Variants in PRKG1 observed in about 807,000 individuals in gnomAD.
PRKG1 encodes the protein cGMP-dependent protein kinase 1.
A neutral mutation model predicts 88.1 loss-of-function variants in PRKG1; 35 were observed. The ratio of observed to expected loss-of-function variants is 0.40; its 90% CI spans 0.30 to 0.53. PRKG1 has a LOEUF of 0.53. Ranked by LOEUF, PRKG1 falls within the 20% of genes least tolerant of loss-of-function variation. The pLI is 0.59. For missense variants in PRKG1, 540 were observed against 839.8 expected (o/e 0.64, Z 4.41); for synonymous variants, 303 against 292.5 (o/e 1.04, Z -0.37).
At chr10:51,969,918 C>G (rs1843662150) in intron 5 of PRKG1, among the ~76,000 whole-genome samples, 1 of 151,296 alleles carries the variant, frequency 6.6e-6, no homozygotes, top group Non-Finnish European at 1.5e-5. Flanking sequence ...ATAGTTAAAA[C>G]AGTATAAAGA....
chr10:52,125,704 A>C (rs1847915237), intron 7 of PRKG1: 1 of 152,198 alleles, frequency 6.6e-6, no homozygotes, highest in Admixed American at 6.5e-5. Flanking sequence ...ACTAACACAA[A>C]TGTATTTTTC....
In PRKG1 at chr10:51,066,956, A is replaced by G. The variant is rs997883147; in HGVS notation, c.266+75312A>G. ...TCTTTGACACTCCTCTTAGAACAAC[A>G]TATTTGCCTGCTTAAGATCCATGAT... On this transcript the variant is annotated intron_variant, in intron 1 of 17. Transcript: ENST00000401604. Among the ~76,000 whole-genome samples, 5 of 152,006 alleles carry G rather than the reference A, an allele frequency of 3.3e-5. No homozygotes were observed. In the East Asian group the frequency reaches 5.8e-4, roughly 18 times the overall value.
chr10:51,924,989 C>A, intron 5 of PRKG1, among the ~76,000 whole-genome samples: 1 of 148,358 alleles, frequency 6.7e-6, no homozygotes. Flanking sequence ...ATATATTATT[C>A]ATAGTTAGTT....
At chr10:52,270,012 A>G (rs1464829506) in intron 10 of PRKG1, among the ~76,000 whole-genome samples, 1 of 151,744 alleles carries the variant, frequency 6.6e-6, no homozygotes, top group Admixed American at 6.6e-5. Flanking sequence ...TAAAGCCATC[A>G]TGCTTGTTTG....
rs145899019 is a variant in PRKG1 at position 52,198,274 on chromosome 10, T to C, written c.1076+36311T>C. ...TACTTGACTTAATTGGCATGCAGTT[T>C]GATAAATATTTGTTCTGTGGAAAGA... On this transcript the variant is annotated intron_variant, in intron 9 of 17. Transcript: ENST00000373980. Among the ~76,000 whole-genome samples, 869 of 152,320 alleles carry C rather than the reference T, an allele frequency of 5.7e-3. 14 individuals are homozygous for C. The highest frequency in any genetic ancestry group is 0.02 in the African/African-American group (823 of 41,572).
Position 52,054,592 on chromosome 10 carries a change from A to C in PRKG1, c.840+31A>C, listed in dbSNP as rs374704502. ...CTTTGGTGGCACAAGACAGTGATGC[A>C]CTAGGGGAGCCTGGGGTTGGTTAGT... On this transcript the variant is annotated intron_variant, in intron 6 of 17. Coordinates refer to ENST00000373980, the MANE Select transcript of PRKG1 (RefSeq NM_006258.4). 36 of 1,594,694 alleles carry C rather than the reference A, an allele frequency of 2.3e-5. No individual in the cohort carries two copies. In the South Asian group the frequency reaches 2.3e-4, roughly 10 times the overall value.
intron 2 of PRKG1, among the ~76,000 whole-genome samples, chr10:51,250,697 T>C (rs1202609990): frequency 2.0e-5 from 3 of 151,820 alleles, no homozygotes; most frequent in African/African-American, 7.2e-5. Flanking sequence ...ACTCCATCTA[T>C]GACAAAATGG....
chr10:51,586,836 C>T (rs940970225), intron 3 of PRKG1, among the ~76,000 whole-genome samples: 6 of 152,024 alleles, frequency 3.9e-5, no homozygotes, highest in Non-Finnish European at 8.8e-5. Context: ...AGGAAGTTAA[C>T]GTATTTAAAT....
chr10:51,279,476 GT>G (rs1322872415), intron 2 of PRKG1, among the ~76,000 whole-genome samples: 4 of 152,158 alleles, frequency 2.6e-5, no homozygotes, highest in Non-Finnish European at 5.9e-5. Flanking sequence ...TGACAGTGGG[GT>G]GTTAAAGTCT....
intron 3 of PRKG1, among the ~76,000 whole-genome samples, chr10:51,585,181 C>T (rs12243750): frequency 0.069 from 10,506 of 152,114 alleles, 1,195 homozygotes; most frequent in African/African-American, 0.24. Context: ...TGAATCTTCT[C>T]TTTCTGTGAC....
intron 3 of PRKG1, among the ~76,000 whole-genome samples, chr10:51,539,226 T>G (rs1842239381): frequency 6.6e-6 from 1 of 152,158 alleles, no homozygotes; most frequent in Non-Finnish European, 1.5e-5. Context: ...TGTTAGGATT[T>G]AATTTCATTT....
chr10:51,348,061 T>G (rs1480498164), intron 2 of PRKG1, among the ~76,000 whole-genome samples: 1 of 151,696 alleles, frequency 6.6e-6, no homozygotes, highest in Non-Finnish European at 1.5e-5. Context: ...AGACTCCATC[T>G]CAAAAAAAAC....
At chr10:51,979,410 G>GTTTTTTTTGTTTTT (rs1843937315) in intron 5 of PRKG1, among the ~76,000 whole-genome samples, 1 of 47,056 alleles carries the variant, frequency 2.1e-5, no homozygotes, top group Non-Finnish European at 3.6e-5. Context: ...ATATTGGTCT[G>GTTTTTTTTGTTTTT]TTTTTTTTTT....
At chr10:51,192,396 T>C (rs1430600878) in intron 2 of PRKG1, among the ~76,000 whole-genome samples, 2 of 151,978 alleles carry the variant, frequency 1.3e-5, no homozygotes, top group Non-Finnish European at 2.9e-5. Context: ...ACTTTGAAAT[T>C]CTAAAACTCT....
chr10:51,941,594 C>A (rs1459703831), intron 5 of PRKG1, among the ~76,000 whole-genome samples: 1 of 150,130 alleles, frequency 6.7e-6, no homozygotes, highest in Non-Finnish European at 1.5e-5. Context: ...TAAATGCTAT[C>A]CCTCCTCCCT....
At chr10:51,542,829 T>C (rs1157378042) in intron 3 of PRKG1, among the ~76,000 whole-genome samples, 1 of 152,198 alleles carries the variant, frequency 6.6e-6, no homozygotes, top group Non-Finnish European at 1.5e-5. Flanking sequence ...AGGCAAGTTA[T>C]GTAGCCTATC....
chr10:51,511,386 C>T (rs1389454531), intron 3 of PRKG1, among the ~76,000 whole-genome samples: 3 of 152,010 alleles, frequency 2.0e-5, no homozygotes, highest in African/African-American at 7.2e-5. Flanking sequence ...TCAGAAGTCA[C>T]AATTAAAATG....
chr10:51,959,588 G>A (rs1843396851), intron 5 of PRKG1, among the ~76,000 whole-genome samples: 2 of 152,212 alleles, frequency 1.3e-5, no homozygotes, highest in South Asian at 4.2e-4. Flanking sequence ...CTCCAGTTGG[G>A]TTTATTCAGT....
chr10:52,068,484 T>C (rs945203828), intron 7 of PRKG1, among the ~76,000 whole-genome samples: 2 of 152,206 alleles, frequency 1.3e-5, no homozygotes, highest in Non-Finnish European at 2.9e-5. Context: ...TGTCATTTAT[T>C]AATGATTAGT....
Sources: gnomAD v4.1 joint callset for allele counts (sites outside exome capture counted in the v4.1 genomes callset) on GRCh38, gnomAD v4.1.1 for gene constraint, MANE v1.5 for transcripts, NCBI Gene and HGNC (gene_info 2026-07-23, HGNC 2026-07-21) for gene names.